SAA4: variants seen among roughly 807,000 people sequenced by gnomAD.
SAA4 encodes the protein serum amyloid A4, constitutive.
A neutral mutation model predicts 11.2 loss-of-function variants in SAA4; 8 were observed. That is an observed-to-expected ratio of 0.71 (90% CI 0.42 to 1.29). The LOEUF (loss-of-function observed/expected upper bound fraction) is 1.29, where lower values mean the gene tolerates loss of function less well. Ranked by LOEUF, SAA4 falls within the 50% of genes most tolerant of loss-of-function variation. The pLI is 0.01. For synonymous variants in SAA4, 60 were observed against 56.2 expected (o/e 1.07, Z -0.30); for missense variants, 171 against 164.2 (o/e 1.04, Z -0.23).
chr11:18,236,078 C>CT (rs536302019), intron 1 of SAA4, 148 bp from the exon 2 acceptor site: 5,454 of 770,204 alleles, frequency 7.1e-3, no homozygotes, highest in Middle Eastern at 0.01. Flanking sequence ...TTCTTTCTTT[C>CT]TTTTTTTTTT....
At chr11:18,235,088 T>C (rs1236708275) in intron 2 of SAA4, among the ~76,000 whole-genome samples, 2 of 152,192 alleles carry the variant, frequency 1.3e-5, no homozygotes, top group Non-Finnish European at 2.9e-5. Context: ...ACCAAAACTT[T>C]TTAAAAACTA....
intron 2 of SAA4, among the ~76,000 whole-genome samples, chr11:18,234,487 G>A (rs1407644973): frequency 6.6e-6 from 1 of 152,178 alleles, no homozygotes; most frequent in African/African-American, 2.4e-5. Context: ...GCCAGGAAGA[G>A]CTATAGAAAA....
rs201623895 is a variant in SAA4 at position 18,232,549 on chromosome 11, A to T, written c.92-16T>A. 1.2e-6 allele frequency: 2 copies of T among 1,607,242 alleles called. No homozygotes were observed. Among genetic ancestry groups the T allele is most frequent in the African/African-American group, 2.7e-5 (2 of 74,580 alleles). On this transcript the variant is annotated splice_polypyrimidine_tract_variant and intron_variant, in intron 2 of 3. Coordinates refer to ENST00000278222, the MANE Select transcript of SAA4 (RefSeq NM_006512.4). The stretch of plus-strand genomic sequence containing the variant: ...TCCCCAACCCCTGGAAAGAAAAAAA[A>T]TGACAAAAATGAACCCAGTGACATA...
chr11:18,231,800 G>A, intron 3 of SAA4, 136 bp from the exon 4 acceptor site: 4 of 1,145,258 alleles, frequency 3.5e-6, no homozygotes, highest in Non-Finnish European at 1.2e-6. Context: ...TCAAGGAAAG[G>A]GGAAGAAAAC....
At chr11:18,231,812 A>G (rs112284920) in intron 3 of SAA4, 148 bp from the exon 4 acceptor site, 2 of 1,024,564 alleles carry the variant, frequency 2.0e-6, no homozygotes, top group South Asian at 1.8e-5. Flanking sequence ...GAAGAAAACT[A>G]TCAATCTTCT....
rs747554206 is a variant in SAA4 at position 18,232,456 on chromosome 11, G to A, written c.169C>T (p.Arg57Trp). Residue 57 changes from arginine to tryptophan, a missense_variant, in exon 3 of 4, where the codon CGG becomes TGG. Physicochemically the swap from Arg to Trp is moderately radical, Grantham distance 101. Coordinates refer to ENST00000278222, the MANE Select transcript of SAA4 (RefSeq NM_006512.4). ...HQNSNRYLYA[R>W]GNYDAAQRGP... ...CTTTGGGCAGCATCATAGTTTCCCC[G>A]AGCATAGAGATATCTGTTTGAATTT... 2.2e-5 allele frequency: 35 copies of A among 1,614,116 alleles called. No homozygotes were observed. Among genetic ancestry groups the A allele is most frequent in the East Asian group, 4.5e-5 (2 of 44,880 alleles).
chr11:18,233,580 T>G (rs983880603), intron 2 of SAA4, among the ~76,000 whole-genome samples: 1 of 152,146 alleles, frequency 6.6e-6, no homozygotes, highest in Non-Finnish European at 1.5e-5. Context: ...GGTGTGATCA[T>G]GGTTTTCTGC....
rs1387530006 is a variant in SAA4, at chr11:18,232,666, A to T, written c.92-133T>A. 5 of 1,331,380 alleles carry T rather than the reference A, an allele frequency of 3.8e-6. No individual in the cohort carries two copies. The East Asian group carries it at 9.6e-5, about 25-fold the overall frequency. The allele number at this position is 1,331,380 out of a possible 1,614,324, so 82.5% of individuals were successfully genotyped here. ...TTTGAAATCATACGTGGAGATAAAC[A>T]TTACTTCCTGTGAACAGCTTCCCTG... is the stretch of plus-strand genomic sequence containing the variant. On this transcript the variant is annotated intron_variant, in intron 2 of 3. Transcript: ENST00000278222.
intron 2 of SAA4, among the ~76,000 whole-genome samples, chr11:18,235,528 A>C (rs1857196382): frequency 6.6e-6 from 1 of 152,204 alleles, no homozygotes. Flanking sequence ...CTAAATAAAC[A>C]TCATGCCCTG....
chr11:18,235,706 G>A (rs1311923741), intron 2 of SAA4, 130 bp downstream of exon 2: 1 of 846,550 alleles, frequency 1.2e-6, no homozygotes, highest in African/African-American at 1.8e-5. Flanking sequence ...GGAAGAAACA[G>A]ATACAGAAAA....
At position 18,232,532 on chromosome 11, in the gene SAA4, C is replaced by A. The variant is rs191754172; in HGVS notation, c.93G>T (p.Gly31=). 29 of 1,609,742 alleles carry A rather than the reference C, an allele frequency of 1.8e-5. No homozygotes were observed. The African/African-American group carries it at 3.7e-4, about 21-fold the overall frequency. The stretch of plus-strand genomic sequence containing the variant: ...AATAGGCTCTGCCCATGTCCCCAAC[C>A]CCTGGAAAGAAAAAAAATGACAAAA... ...WRSFFKEALQ[G]VGDMGRAYWD... Residue 31 remains glycine (G), a splice_region_variant and synonymous_variant, in exon 3 of 4, where the codon GGG becomes GGT. Coordinates refer to ENST00000278222, the MANE Select transcript of SAA4 (RefSeq NM_006512.4).
At chr11:18,235,951 G>C in intron 1 of SAA4, 21 bp from the exon 2 acceptor site, 1 of 1,573,962 alleles carries the variant, frequency 6.4e-7, no homozygotes, top group Non-Finnish European at 8.6e-7. Context: ...AGAAAGACAG[G>C]GGCAGAGGAT....
chr11:18,235,842 G>C lies in SAA4; in HGVS notation c.85C>G (p.Leu29Val), dbSNP rs770812266. The C allele has an allele frequency of 1.5e-5, 25 of 1,613,308 alleles. No homozygotes were observed. The highest frequency in any genetic ancestry group is 4.0e-5 in the African/African-American group (3 of 74,776). ...ESWRSFFKEA[L>V]QGVGDMGRAY... The stretch of plus-strand genomic sequence containing the variant: ...CATCCTCCAGAGTTCTTACCTTGGA[G>C]AGCCTCCTTGAAAAACGAACGCCAG... The change falls in exon 2 of 4, where the codon CTC (leucine) becomes GTC (valine). Residue 29 changes from leucine to valine, a missense_variant. Physicochemically the swap from Leu to Val is conservative, Grantham distance 32. Coordinates refer to ENST00000278222, the MANE Select transcript of SAA4 (RefSeq NM_006512.4).
chr11:18,232,432 T>G lies in SAA4; in HGVS notation c.193A>C (p.Arg65=). 2 of 1,614,176 alleles carry G rather than the reference T, an allele frequency of 1.2e-6. No homozygotes were observed. The highest frequency in any genetic ancestry group is 1.7e-6 in the Non-Finnish European group (2 of 1,180,020). Residue 65 remains arginine, a synonymous_variant, in exon 3 of 4, where the codon AGA becomes CGA. Transcript: ENST00000278222. ...GCAGCCCAGACACCCCCAGGTCCTC[T>G]TTGGGCAGCATCATAGTTTCCCCGA... ...YARGNYDAAQ[R]GPGGVWAAKL...
Position 18,235,918 on chromosome 11 carries a change from A to G in SAA4, c.9T>C (p.Leu3=). 6.2e-7 allele frequency: 1 copy of G among 1,613,150 alleles called. No individual in the cohort carries two copies. Residue 3 remains leucine, a synonymous_variant, in exon 2 of 4, where the codon CTT becomes CTC. Transcript: ENST00000278222. The part of the protein sequence containing the change: MR[L]FTGIVFCSLV... ...AGGAGCAGAAAACAATGCCTGTGAA[A>G]AGCCTCATTGTGCTGAAGAGAAAGA...
rs1857135598 is a variant in SAA4 at position 18,231,583 on chromosome 11, G to A, written c.312C>T (p.Ser104=). ...NSSTVLEDSK[S]NEKAEEWGRS... is the part of the protein sequence containing the mutation. ...GGCCCCATTCCTCAGCTTTCTCGTT[G>A]GACTTCGAGTCCTCCAATACAGTGC... is the stretch of plus-strand genomic sequence containing the variant. Residue 104 remains serine (S), a synonymous_variant, in exon 4 of 4, where the codon TCC becomes TCT. Coordinates refer to ENST00000278222, the MANE Select transcript of SAA4 (RefSeq NM_006512.4). The A allele has an allele frequency of 6.2e-7, 1 of 1,614,156 alleles. No homozygotes were observed. Among genetic ancestry groups the A allele is most frequent in the African/African-American group, 1.3e-5 (1 of 75,034 alleles).
Position 18,236,015 on chromosome 11 carries a change from T to C in SAA4, c.-4-85A>G, listed in dbSNP as rs908673376. 5.3e-6 allele frequency: 7 copies of C among 1,326,566 alleles called. No individual in the cohort carries two copies. The African/African-American group carries it at 9.1e-5, about 17-fold the overall frequency. 82.2% of individuals were successfully genotyped at this position (1,326,566 alleles called of 1,614,324 possible). ...GAGGACTGAATTTCTTTCCTTTTTT[T>C]CTTTCTTTTTTTCCTTTTCTTTCTT... On this transcript the variant is annotated intron_variant, in intron 1 of 3. Coordinates refer to ENST00000278222, the MANE Select transcript of SAA4 (RefSeq NM_006512.4).
At chr11:18,231,870 C>T (rs144145698) in intron 3 of SAA4, among the ~76,000 whole-genome samples, 7 of 137,152 alleles carry the variant, frequency 5.1e-5, no homozygotes, top group East Asian at 4.4e-4. Flanking sequence ...CAACAGAGTG[C>T]TTTCCCTTTT....
At position 18,231,494 on chromosome 11, in the gene SAA4, C is replaced by T. The variant is rs758440672; in HGVS notation, c.*8G>A. ...CCCAGTTTCCCTGAGAGCAGAGGAG[C>T]AGGAAGCTCAGTATTTCTTAGGCAG... On this transcript the variant is annotated 3_prime_UTR_variant, in exon 4 of 4. Transcript: ENST00000278222. The T allele has an allele frequency of 2.5e-5, 40 of 1,609,976 alleles. No individual in the cohort carries two copies. The highest frequency in any genetic ancestry group is 3.4e-5 in the Non-Finnish European group (40 of 1,178,878).
Sources: gnomAD v4.1 joint callset for allele counts (sites outside exome capture counted in the v4.1 genomes callset) on GRCh38, gnomAD v4.1.1 for gene constraint, MANE v1.5 for transcripts, NCBI Gene and HGNC (gene_info 2026-07-23, HGNC 2026-07-21) for gene names.